Variants in MAF observed in about 807,000 individuals in gnomAD.
MAF encodes the protein MAF bZIP transcription factor.
In MAF, 10 loss-of-function variants were observed where a neutral mutation model predicts 22.0. That is an observed-to-expected ratio of 0.45 (90% CI 0.28 to 0.77). MAF has a LOEUF of 0.77. Ranked by LOEUF, MAF falls within the 30% of genes least tolerant of loss-of-function variation. The pLI is 0.12. For missense variants in MAF, 544 were observed against 548.4 expected (o/e 0.99, Z 0.08); for synonymous variants, 337 against 255.8 (o/e 1.32, Z -3.03).
At chr16:79,572,730 C>T in the MAF span, among the ~76,000 whole-genome samples, 4 of 152,158 alleles carry the variant, frequency 2.6e-5, no homozygotes, top group Admixed American at 1.3e-4. Flanking sequence ...TCTTGATCTG[C>T]GCCCTGTCTA....
the MAF span, among the ~76,000 whole-genome samples, chr16:79,455,710 T>C: frequency 6.6e-6 from 1 of 152,256 alleles, no homozygotes; most frequent in Non-Finnish European, 1.5e-5. Flanking sequence ...GAAAATGTTG[T>C]ATTTTTAGCA....
intron 1 of MAF, chr16:79,595,803 G>T (rs1913484821): frequency 9.5e-7 from 1 of 1,057,086 alleles, no homozygotes; most frequent in South Asian, 4.6e-5. Context: ...GTTCTCCACT[G>T]AATATTCACG....
At chr16:79,444,700 ACT>A in the MAF span, among the ~76,000 whole-genome samples, 1 of 152,202 alleles carries the variant, frequency 6.6e-6, no homozygotes, top group African/African-American at 2.4e-5. Context: ...AAGCTACAAC[ACT>A]GTTTCTGGGT....
chr16:79,356,231 T>G, the MAF span, among the ~76,000 whole-genome samples: 1 of 152,042 alleles, frequency 6.6e-6, no homozygotes, highest in Non-Finnish European at 1.5e-5. Flanking sequence ...ATGCACACAT[T>G]CATGCACATG....
At chr16:79,598,604 G>A in intron 1 of MAF, 181 bp downstream of exon 1, 2 of 1,495,022 alleles carry the variant, frequency 1.3e-6, no homozygotes, top group Non-Finnish European at 1.8e-6. Flanking sequence ...GTGTGTGTGT[G>A]TGTGTGGTGT....
the MAF span, among the ~76,000 whole-genome samples, chr16:79,378,142 G>C: frequency 1.3e-5 from 2 of 152,194 alleles, no homozygotes; most frequent in South Asian, 2.1e-4. Flanking sequence ...TCACAATATT[G>C]ATTCTTCCTA....
At chr16:79,219,036 C>T in the MAF span, among the ~76,000 whole-genome samples, 7 of 152,186 alleles carry the variant, frequency 4.6e-5, no homozygotes, top group Non-Finnish European at 1.0e-4. Context: ...ATGTGCCACA[C>T]CACTTAGAAA....
intron 1 of MAF, chr16:79,598,157 A>T: frequency 5.7e-6 from 6 of 1,051,532 alleles, no homozygotes; most frequent in Non-Finnish European, 6.9e-6. Flanking sequence ...GAAGAAAAAA[A>T]AACTTTGCTT....
At chr16:79,428,216 C>G in the MAF span, among the ~76,000 whole-genome samples, 4 of 152,102 alleles carry the variant, frequency 2.6e-5, no homozygotes, top group African/African-American at 2.4e-5. Flanking sequence ...ACCCTCACCT[C>G]CTCCACCTGC....
chr16:79,213,765 C>T, the MAF span, among the ~76,000 whole-genome samples: 1 of 150,992 alleles, frequency 6.6e-6, no homozygotes, highest in Non-Finnish European at 1.5e-5. Flanking sequence ...GGAGAAGAAA[C>T]TGCACATTTC....
chr16:79,230,431 C>G, the MAF span, among the ~76,000 whole-genome samples: 3 of 152,300 alleles, frequency 2.0e-5, no homozygotes, highest in Non-Finnish European at 2.9e-5. Context: ...ATAAACGAAG[C>G]CCAGCCTAGA....
chr16:79,254,734 C>G, the MAF span, among the ~76,000 whole-genome samples: 1 of 152,144 alleles, frequency 6.6e-6, no homozygotes, highest in Non-Finnish European at 1.5e-5. Flanking sequence ...AGTTTGTCAC[C>G]TTTACACCAA....
In MAF at chr16:79,599,504, G is replaced by T; in HGVS notation, c.399C>A (p.Arg133=). ...CCGCCGCGGCCAGCTGCTGCGCCCCGCGCGCGTAGCCATCGAAGCCGCCCT... is the reference window on the plus strand; with the variant it reads ...CCGCCGCGGCCAGCTGCTGCGCCCCTCGCGCGTAGCCATCGAAGCCGCCCT... ...QLQGGFDGYA[R]GAQQLAAAAG... Residue 133 remains arginine, a synonymous_variant, in exon 1 of 2, where the codon CGC becomes CGA. Transcript: ENST00000326043. 6.6e-7 allele frequency: 1 copy of T among 1,510,040 alleles called. No individual in the cohort carries two copies. The allele number at this position is 1,510,040 out of a possible 1,614,324, so 93.5% of individuals were successfully genotyped here.
chr16:79,350,647 A>T, the MAF span, among the ~76,000 whole-genome samples: 1 of 152,082 alleles, frequency 6.6e-6, no homozygotes, highest in African/African-American at 2.4e-5. Flanking sequence ...TGGGCTGGAG[A>T]GGGTTCCCAG....
the MAF span, among the ~76,000 whole-genome samples, chr16:79,534,643 G>A: frequency 2.0e-5 from 3 of 152,052 alleles, no homozygotes; most frequent in East Asian, 1.9e-4. Context: ...TGTAAATAAC[G>A]AGTTAATGGG....
At chr16:79,236,665 G>A in the MAF span, among the ~76,000 whole-genome samples, 3 of 152,042 alleles carry the variant, frequency 2.0e-5, no homozygotes. Context: ...CTAGACTGGA[G>A]GCCCTGGTCC....
the MAF span, among the ~76,000 whole-genome samples, chr16:79,327,105 G>T: frequency 2.0e-5 from 3 of 152,188 alleles, no homozygotes; most frequent in Non-Finnish European, 4.4e-5. Context: ...GCAGTACAGG[G>T]GAAATCTCTG....
At chr16:79,264,868 CCA>C in the MAF span, among the ~76,000 whole-genome samples, 1 of 152,132 alleles carries the variant, frequency 6.6e-6, no homozygotes, top group Non-Finnish European at 1.5e-5. Flanking sequence ...TCCCTCCACC[CCA>C]CAGTTCCCAA....
chr16:79,353,127 T>A, the MAF span, among the ~76,000 whole-genome samples: 1 of 151,480 alleles, frequency 6.6e-6, no homozygotes, highest in African/African-American at 2.4e-5. Flanking sequence ...ACCAGGAATT[T>A]TTTTTTTTTT....
Sources: allele counts gnomAD v4.1 joint callset (sites outside exome capture counted in the v4.1 genomes callset), GRCh38; gene constraint gnomAD v4.1.1; transcripts MANE v1.5; gene names NCBI Gene and HGNC (gene_info 2026-07-23, HGNC 2026-07-21).